BTBD16: variants seen among roughly 807,000 people sequenced by gnomAD.
The protein encoded by BTBD16 is BTB domain containing 16, also known as BTB/POZ domain-containing protein 16.
Under a neutral mutation model 67.4 loss-of-function variants are expected in BTBD16, and 66 were observed. That is an observed-to-expected ratio of 0.98 (90% CI 0.80 to 1.20). The LOEUF (loss-of-function observed/expected upper bound fraction) is 1.20. Ranked by LOEUF, BTBD16 falls within the 50% of genes most tolerant of loss-of-function variation. The pLI, the probability that BTBD16 is intolerant of heterozygous loss-of-function variation, is 0.00. For synonymous variants in BTBD16, 242 were observed against 236.4 expected (o/e 1.02, Z -0.22); for missense variants, 634 against 616.0 (o/e 1.03, Z -0.31).
At chr10:122,318,075 G>A (rs1261805220) in intron 10 of BTBD16, among the ~76,000 whole-genome samples, 1 of 152,084 alleles carries the variant, frequency 6.6e-6, no homozygotes, top group Non-Finnish European at 1.5e-5. Flanking sequence ...AAACACATGT[G>A]TTGTGCTATA....
chr10:122,333,665 G>GAT (rs1349826889), intron 13 of BTBD16, among the ~76,000 whole-genome samples: 1 of 152,270 alleles, frequency 6.6e-6, no homozygotes, highest in African/African-American at 2.4e-5. Flanking sequence ...TGTGAAGGGA[G>GAT]ATATAGGGAA....
chr10:122,338,025 A>T lies in BTBD16; in HGVS notation c.1461A>T (p.Lys487Asn). The T allele has an allele frequency of 6.2e-7, 1 of 1,611,992 alleles. No individual in the cohort carries two copies. Among genetic ancestry groups the T allele is most frequent in the Non-Finnish European group, 8.5e-7 (1 of 1,178,228 alleles). The change falls in exon 16 of 16, where the codon AAA becomes AAT. Residue 487 changes from lysine to asparagine, a missense_variant. Transcript: ENST00000260723. The part of the protein sequence containing the change: ...TTSSCKSHTL[K>N]IQTVGIPIYV... ...TTTTTTTCATGTTTTAGACCTTGAAAATCCAAACTGTGGGCATCCCAATCT... is the reference window on the plus strand; with the variant it reads ...TTTTTTTCATGTTTTAGACCTTGAATATCCAAACTGTGGGCATCCCAATCT...
chr10:122,288,017 C>T (rs2096367015), intron 5 of BTBD16, among the ~76,000 whole-genome samples: 1 of 144,912 alleles, frequency 6.9e-6, no homozygotes, highest in Non-Finnish European at 1.5e-5. Context: ...ATAACTGATT[C>T]CCTCCCTCCC....
At chr10:122,305,636 C>T (rs902135836) in intron 9 of BTBD16, among the ~76,000 whole-genome samples, 9 of 152,158 alleles carry the variant, frequency 5.9e-5, no homozygotes, top group African/African-American at 2.2e-4. Context: ...TCAAGTAAAC[C>T]TCTTTTCTTT....
intron 5 of BTBD16, among the ~76,000 whole-genome samples, chr10:122,288,478 G>A (rs1413822192): frequency 6.6e-6 from 1 of 152,122 alleles, no homozygotes; most frequent in Non-Finnish European, 1.5e-5. Flanking sequence ...TTTGGCTCTG[G>A]CTCACATCAT....
intron 3 of BTBD16, among the ~76,000 whole-genome samples, chr10:122,281,242 G>A (rs1426491972): frequency 6.6e-6 from 1 of 152,184 alleles, no homozygotes; most frequent in Non-Finnish European, 1.5e-5. Context: ...TACTTTTTTT[G>A]TGTGTGAGGT....
Position 122,284,673 on chromosome 10 carries a change from ATTTTTT to A in BTBD16, c.241+768_241+773del, listed in dbSNP as rs60823097. On this transcript the variant is annotated intron_variant, in intron 4 of 15. Coordinates refer to ENST00000260723, the MANE Select transcript of BTBD16 (RefSeq NM_144587.5). ...ATGAGGAGGCAGCTTCTTAAAGTGG[ATTTTTT>A]TTTTTTTTTTTTTTTTTTGGATAAA... Among the ~76,000 whole-genome samples, 166 of 124,684 alleles carry A rather than the reference ATTTTTT, an allele frequency of 1.3e-3. 1 individual carries two copies. The highest frequency in any genetic ancestry group is 3.3e-3 in the African/African-American group (115 of 34,582). 81.8% of individuals were successfully genotyped at this position (124,684 alleles called of 152,430 possible). A position where few individuals can be genotyped will look rare whatever the true frequency, so the allele number is the denominator to read the frequency against.
chr10:122,320,033 T>C (rs1182202497), intron 10 of BTBD16, among the ~76,000 whole-genome samples: 1 of 152,136 alleles, frequency 6.6e-6, no homozygotes, highest in Non-Finnish European at 1.5e-5. Context: ...ACAGTATTAA[T>C]TTTTTTACAT....
intron 1 of BTBD16, among the ~76,000 whole-genome samples, chr10:122,273,247 C>T (rs868659113): frequency 1.4e-3 from 144 of 102,340 alleles, no homozygotes; most frequent in African/African-American, 3.0e-3. Context: ...TATATATATA[C>T]ACACATACAT....
chr10:122,287,962 C>T (rs953330606), intron 5 of BTBD16, among the ~76,000 whole-genome samples: 2 of 152,308 alleles, frequency 1.3e-5, no homozygotes, highest in East Asian at 3.9e-4. Flanking sequence ...GGGTTTTACT[C>T]AACCTGGAGG....
At chr10:122,323,162 A>G (rs1195326096) in intron 10 of BTBD16, among the ~76,000 whole-genome samples, 1 of 152,228 alleles carries the variant, frequency 6.6e-6, no homozygotes, top group Non-Finnish European at 1.5e-5. Flanking sequence ...TACACAGTGT[A>G]AGAAGGAATA....
At chr10:122,334,385 C>T (rs1355162149) in intron 13 of BTBD16, among the ~76,000 whole-genome samples, 2 of 146,138 alleles carry the variant, frequency 1.4e-5, no homozygotes, top group Non-Finnish European at 3.0e-5. Context: ...TTAGTAGAGA[C>T]GAGGTTTCAC....
chr10:122,281,084 G>A (rs1016304332), intron 3 of BTBD16, among the ~76,000 whole-genome samples: 1 of 152,162 alleles, frequency 6.6e-6, no homozygotes, highest in East Asian at 1.9e-4. Flanking sequence ...TGGGATTACA[G>A]GCATGAGCCA....
intron 7 of BTBD16, among the ~76,000 whole-genome samples, chr10:122,292,026 G>A (rs1398457689): frequency 6.6e-6 from 1 of 152,172 alleles, no homozygotes; most frequent in Non-Finnish European, 1.5e-5. Context: ...ATTGCTTGGT[G>A]TTTCCACCTG....
intron 9 of BTBD16, among the ~76,000 whole-genome samples, chr10:122,301,023 T>C (rs2096392797): frequency 6.6e-6 from 1 of 152,156 alleles, no homozygotes; most frequent in South Asian, 2.1e-4. Flanking sequence ...GACCATATTC[T>C]CTAGGAAGCC....
At chr10:122,289,814 A>T (rs924170382) in intron 5 of BTBD16, 95 bp from the exon 6 acceptor site, 28 of 729,986 alleles carry the variant, frequency 3.8e-5, no homozygotes, top group Middle Eastern at 2.4e-4. Flanking sequence ...ACATATCTTG[A>T]TACCTCATGG....
At chr10:122,297,056 T>C (rs1590064698) in intron 7 of BTBD16, among the ~76,000 whole-genome samples, 1 of 152,360 alleles carries the variant, frequency 6.6e-6, no homozygotes, top group East Asian at 1.9e-4. Flanking sequence ...TGGTCACTTT[T>C]CTGATTTAAC....
In BTBD16 at chr10:122,298,990, T is replaced by C; in HGVS notation, c.661-14T>C. ...TCAGGACTTCCTTCATCAACTGGCT[T>C]TTTTTTGTCTTAGTACAAGGAAGAG... On this transcript the variant is annotated splice_polypyrimidine_tract_variant and intron_variant, in intron 8 of 15. Transcript: ENST00000260723. 1 of 1,612,922 alleles carries C rather than the reference T, an allele frequency of 6.2e-7. No homozygotes were observed. The highest frequency in any genetic ancestry group is 8.5e-7 in the Non-Finnish European group (1 of 1,179,760).
At chr10:122,279,519 C>G (rs1383944000) in intron 3 of BTBD16, among the ~76,000 whole-genome samples, 2 of 150,888 alleles carry the variant, frequency 1.3e-5, no homozygotes, top group African/African-American at 4.9e-5. Flanking sequence ...GAAACACACA[C>G]ACACACACAC....
Sources: allele counts gnomAD v4.1 joint callset (sites outside exome capture counted in the v4.1 genomes callset), GRCh38; gene constraint gnomAD v4.1.1; transcripts MANE v1.5; gene names NCBI Gene and HGNC (gene_info 2026-07-23, HGNC 2026-07-21).